Variants in RBFOX1 observed in about 807,000 individuals in gnomAD.
The protein encoded by RBFOX1 is RNA binding protein fox-1 homolog 1.
Under a neutral mutation model 57.7 loss-of-function variants are expected in RBFOX1, and 8 were observed. The ratio of observed to expected loss-of-function variants is 0.14; its 90% CI spans 0.08 to 0.25. RBFOX1 has a LOEUF of 0.25. Among genes scored for constraint, RBFOX1 ranks in the 10% least tolerant of loss-of-function variants. The pLI is 1.00. For missense variants in RBFOX1, 611 were observed against 548.5 expected (o/e 1.11, Z -1.14); for synonymous variants, 326 against 222.4 (o/e 1.47, Z -4.15).
At chr16:7,247,591 C>T (rs1202991718) in intron 4 of RBFOX1, among the ~76,000 whole-genome samples, 1 of 152,204 alleles carries the variant, frequency 6.6e-6, no homozygotes, top group East Asian at 1.9e-4. Context: ...TAAAAGCCCC[C>T]AGGTCATCCT....
intron 3 of RBFOX1, among the ~76,000 whole-genome samples, chr16:6,700,732 C>G (rs2061694523): frequency 6.6e-6 from 1 of 152,082 alleles, no homozygotes; most frequent in South Asian, 2.1e-4. Context: ...CCTGGTAAGA[C>G]AGACTTTCTT....
intron 1 of RBFOX1, among the ~76,000 whole-genome samples, chr16:6,076,916 G>A (rs77341562): frequency 0.38 from 58,383 of 151,952 alleles, 12,238 homozygotes; most frequent in Non-Finnish European, 0.49. Context: ...GGAAGCCAAT[G>A]GTCAAGTTTG....
intron 14 of RBFOX1, among the ~76,000 whole-genome samples, chr16:7,706,811 G>A (rs1020932959): frequency 3.9e-5 from 6 of 152,130 alleles, no homozygotes; most frequent in Admixed American, 1.3e-4. Context: ...GCAGTACCAA[G>A]GTTATAGTTT....
At chr16:5,792,045 T>C (rs1597272535) in intron 3 of RBFOX1, among the ~76,000 whole-genome samples, 1 of 152,264 alleles carries the variant, frequency 6.6e-6, no homozygotes, top group East Asian at 1.9e-4. Flanking sequence ...CTGCAGAAGT[T>C]GTGTCTTTGC....
intron 4 of RBFOX1, among the ~76,000 whole-genome samples, chr16:5,892,657 A>G (rs529040772): frequency 1.2e-4 from 18 of 152,362 alleles, no homozygotes; most frequent in African/African-American, 4.3e-4. Flanking sequence ...GAGGAAGATC[A>G]AATTCACCCT....
intron 1 of RBFOX1, among the ~76,000 whole-genome samples, chr16:5,375,863 A>G (rs1443999317): frequency 6.6e-6 from 1 of 152,198 alleles, no homozygotes; most frequent in Non-Finnish European, 1.5e-5. Context: ...TTTCTTTATC[A>G]CAAGTTTTAA....
chr16:7,680,631 T>C (rs1470375857), intron 14 of RBFOX1, among the ~76,000 whole-genome samples: 1 of 152,148 alleles, frequency 6.6e-6, no homozygotes, highest in Admixed American at 6.6e-5. Context: ...TTGACATTAA[T>C]TGCGGCACCA....
chr16:6,563,486 A>G (rs2097212132), intron 2 of RBFOX1, among the ~76,000 whole-genome samples: 1 of 152,148 alleles, frequency 6.6e-6, no homozygotes, highest in Non-Finnish European at 1.5e-5. Flanking sequence ...TAGAGCCCAG[A>G]GTCCCTTACA....
At chr16:6,944,092 G>T (rs951228925) in intron 3 of RBFOX1, among the ~76,000 whole-genome samples, 1 of 152,054 alleles carries the variant, frequency 6.6e-6, no homozygotes, top group African/African-American at 2.4e-5. Flanking sequence ...GCCCAGGCTA[G>T]ACTCTACTTA....
chr16:6,638,656 C>T (rs980633081), intron 2 of RBFOX1, among the ~76,000 whole-genome samples: 8 of 152,086 alleles, frequency 5.3e-5, no homozygotes, highest in African/African-American at 1.9e-4. Context: ...AATGTTTAGC[C>T]CTTTAATGCC....
intron 5 of RBFOX1, among the ~76,000 whole-genome samples, chr16:7,556,985 C>A (rs915307872): frequency 8.5e-5 from 13 of 152,202 alleles, no homozygotes; most frequent in African/African-American, 3.1e-4. Flanking sequence ...CATCCTCCTC[C>A]TCATCATATG....
At chr16:7,132,385 C>A (rs968316355) in intron 4 of RBFOX1, among the ~76,000 whole-genome samples, 1 of 150,360 alleles carries the variant, frequency 6.7e-6, no homozygotes, top group African/African-American at 2.5e-5. Flanking sequence ...ATGGAAGCAA[C>A]CTAAAGGTCC....
chr16:7,333,062 G>A (rs1325337150), intron 4 of RBFOX1: 3 of 1,613,880 alleles, frequency 1.9e-6, no homozygotes, highest in Non-Finnish European at 2.5e-6. Context: ...TGTACCGGCA[G>A]CTCCTTACCT....
chr16:7,494,082 G>A (rs2067803147), intron 4 of RBFOX1, among the ~76,000 whole-genome samples: 1 of 152,180 alleles, frequency 6.6e-6, no homozygotes, highest in Admixed American at 6.5e-5. Flanking sequence ...TAAACAGTAT[G>A]TCATGAGTTA....
intron 3 of RBFOX1, among the ~76,000 whole-genome samples, chr16:6,969,856 A>T (rs909383162): frequency 6.6e-6 from 1 of 152,166 alleles, no homozygotes; most frequent in African/African-American, 2.4e-5. Flanking sequence ...GCCATGTGTG[A>T]ACCATTGTAC....
chr16:6,851,926 G>GTTTT (rs71147610), intron 3 of RBFOX1, among the ~76,000 whole-genome samples: 2 of 143,592 alleles, frequency 1.4e-5, no homozygotes, highest in African/African-American at 2.6e-5. Context: ...TTTCCATTGG[G>GTTTT]TTTTTTTTTT....
intron 2 of RBFOX1, among the ~76,000 whole-genome samples, chr16:6,430,273 A>G (rs762177558): frequency 4.6e-4 from 70 of 152,300 alleles, no homozygotes; most frequent in East Asian, 1.2e-3. Context: ...GGAATATAAA[A>G]CAGTAAGACT....
chr16:7,017,709 C>G (rs911101815), intron 3 of RBFOX1, among the ~76,000 whole-genome samples: 1 of 152,126 alleles, frequency 6.6e-6, no homozygotes, highest in African/African-American at 2.4e-5. Flanking sequence ...TGTTCAATAG[C>G]TTTTCTCTTC....
chr16:6,785,465 T>G (rs1440474446), intron 3 of RBFOX1, among the ~76,000 whole-genome samples: 3 of 152,166 alleles, frequency 2.0e-5, no homozygotes, highest in Admixed American at 6.5e-5. Flanking sequence ...ACTAGACAAT[T>G]GGCAATAAAA....
Sources: gnomAD v4.1 joint callset for allele counts (sites outside exome capture counted in the v4.1 genomes callset) on GRCh38, gnomAD v4.1.1 for gene constraint, MANE v1.5 for transcripts, NCBI Gene and HGNC (gene_info 2026-07-23, HGNC 2026-07-21) for gene names.